SRD5A3: variants seen among roughly 807,000 people sequenced by gnomAD.
SRD5A3 encodes polyprenal reductase.
SRD5A3 carries 24 observed loss-of-function variants against 34.3 expected under a neutral mutation model. That is an observed-to-expected ratio of 0.70 (90% CI 0.51 to 0.99). The LOEUF (loss-of-function observed/expected upper bound fraction) is 0.99. Among genes scored for constraint, SRD5A3 ranks in the 50% least tolerant of loss-of-function variants. The pLI, the probability that SRD5A3 is intolerant of heterozygous loss-of-function variation, is 0.00. For synonymous variants in SRD5A3, 161 were observed against 167.3 expected, an observed-to-expected ratio of 0.96 and a Z score of 0.29; for missense variants, 350 against 388.2, an observed-to-expected ratio of 0.90 and a Z score of 0.83.
chr4:55,369,466 A>T, intron 4 of SRD5A3: 1 of 280,276 alleles, frequency 3.6e-6, no homozygotes, highest in Non-Finnish European at 6.8e-6. Context: ...AGGTTGGCTC[A>T]CACTGGTAAT....
chr4:55,352,271 T>G, intron 1 of SRD5A3: 1 of 851,498 alleles, frequency 1.2e-6, no homozygotes, highest in Non-Finnish European at 2.1e-6. Context: ...GGGGAATTTC[T>G]CTTTCCTTTA....
chr4:55,364,101 T>C lies in SRD5A3; in HGVS notation c.392T>C (p.Leu131Ser). Residue 131 changes from leucine (L) to serine (S), a missense_variant, in exon 3 of 5, where the codon TTA (leucine) becomes TCA (serine). By Grantham distance (145) the Leu-to-Ser change is moderately radical (BLOSUM62 -2). Transcript: ENST00000264228. ...QGGELALSAF[L>S]VLVFLWLHSL... ...GGGGAGCTGGCACTGTCTGCATTCT[T>C]AGTGCTAGTATTTCTGTGGCTGCAC... The C allele has an allele frequency of 6.2e-7, 1 of 1,614,238 alleles. No individual in the cohort carries two copies. The highest frequency in any genetic ancestry group is 1.1e-5 in the South Asian group (1 of 91,084).
intron 1 of SRD5A3, among the ~76,000 whole-genome samples, chr4:55,354,951 G>GGAGTGCTC (rs1719389926): frequency 1.3e-5 from 2 of 152,214 alleles, no homozygotes; most frequent in Non-Finnish European, 2.9e-5. Flanking sequence ...GTTAAGCAAG[G>GGAGTGCTC]GAGTGCTCAT....
intron 1 of SRD5A3, 141 bp downstream of exon 1, chr4:55,346,698 G>T: frequency 1.3e-6 from 1 of 758,902 alleles, no homozygotes; most frequent in Non-Finnish European, 1.9e-6. Context: ...GCAGCACGGC[G>T]CTCCCTCGGC....
At position 55,367,789 on chromosome 4, in the gene SRD5A3, G is replaced by C. The variant is rs1578212402; in HGVS notation, c.697+67G>C. The C allele has an allele frequency of 1.9e-6, 3 of 1,598,824 alleles. No homozygotes were observed. In the East Asian group the frequency reaches 6.7e-5, roughly 36 times the overall value. On this transcript the variant is annotated intron_variant, in intron 4 of 4. Transcript: ENST00000264228. ...TCAGAAGTTAGTTCTCCATGGTCCTGCATGCTTTTCCTTCCTGCCCTAGTT... is the reference window on the plus strand; with the variant it reads ...TCAGAAGTTAGTTCTCCATGGTCCTCCATGCTTTTCCTTCCTGCCCTAGTT...
chr4:55,359,559 T>A, intron 2 of SRD5A3, 71 bp downstream of exon 2: 1 of 1,603,312 alleles, frequency 6.2e-7, no homozygotes, highest in South Asian at 1.1e-5. Context: ...GGGAGCAGTT[T>A]TTGGCATTTT....
At chr4:55,358,606 A>AT (rs945655394) in intron 1 of SRD5A3, among the ~76,000 whole-genome samples, 11 of 150,432 alleles carry the variant, frequency 7.3e-5, no homozygotes, top group South Asian at 2.1e-4. Flanking sequence ...ATATTAGGTG[A>AT]TTTTTTTTGT....
At chr4:55,355,722 ATTT>A (rs1402970498) in intron 1 of SRD5A3, among the ~76,000 whole-genome samples, 139 of 152,306 alleles carry the variant, frequency 9.1e-4, no homozygotes, top group African/African-American at 3.2e-3. Flanking sequence ...CAATAGTATG[ATTT>A]TAACTTCACA....
At chr4:55,356,750 C>T (rs574480664) in intron 1 of SRD5A3, among the ~76,000 whole-genome samples, 1 of 151,858 alleles carries the variant, frequency 6.6e-6, no homozygotes, top group African/African-American at 2.4e-5. Flanking sequence ...CGCTCTGTTG[C>T]CCAGGCTGGA....
chr4:55,350,375 G>A (rs1719144674), intron 1 of SRD5A3, among the ~76,000 whole-genome samples: 1 of 152,010 alleles, frequency 6.6e-6, no homozygotes, highest in Non-Finnish European at 1.5e-5. Flanking sequence ...CTCTCAAAAA[G>A]AAAGAAATAT....
intron 1 of SRD5A3, among the ~76,000 whole-genome samples, chr4:55,356,418 G>T (rs1464057016): frequency 6.6e-6 from 1 of 152,068 alleles, no homozygotes; most frequent in African/African-American, 2.4e-5. Flanking sequence ...CATTCATCTT[G>T]TTATCCAACT....
intron 3 of SRD5A3, chr4:55,364,532 G>A: frequency 4.3e-6 from 2 of 465,290 alleles, no homozygotes; most frequent in Non-Finnish European, 7.9e-6. Context: ...CCAACATGGT[G>A]AAACTCTGTC....
At chr4:55,361,502 A>AT (rs1255955583) in intron 2 of SRD5A3, among the ~76,000 whole-genome samples, 2 of 145,860 alleles carry the variant, frequency 1.4e-5, no homozygotes, top group East Asian at 4.0e-4. Context: ...AAAAAAAAAA[A>AT]GAGCAAACCC....
At chr4:55,367,494 G>A in intron 3 of SRD5A3, 94 bp from the exon 4 acceptor site, 2 of 1,436,466 alleles carry the variant, frequency 1.4e-6, no homozygotes, top group Non-Finnish European at 1.9e-6. Context: ...AACGGAATAA[G>A]TGGATAATTG....
intron 1 of SRD5A3, among the ~76,000 whole-genome samples, chr4:55,356,258 C>G (rs1354881791): frequency 1.3e-5 from 2 of 152,152 alleles, no homozygotes; most frequent in Non-Finnish European, 2.9e-5. Flanking sequence ...ATCCGCCCAC[C>G]TCAGCCTCCT....
In SRD5A3 at chr4:55,367,632, C is replaced by A; in HGVS notation, c.607C>A (p.His203Asn). 6.2e-7 allele frequency: 1 copy of A among 1,614,072 alleles called. No homozygotes were observed. The highest frequency in any genetic ancestry group is 8.5e-7 in the Non-Finnish European group (1 of 1,180,010). The change falls in exon 4 of 5, where the codon CAT becomes AAT. Residue 203 changes from histidine to asparagine, a missense_variant. Physicochemically the swap from His to Asn is moderately conservative, Grantham distance 68 (BLOSUM62 1). This residue lies in a region of SRD5A3 where 186 missense variants were observed against 221.4 expected (regional missense o/e 0.84). Transcript: ENST00000264228. ...TCTATTGATGCAAGCACGGTGGTTC[C>A]ATATTCTTGGGATGATGATGTTCAT... ...KNLLMQARWFHILGMMMFIWS... is the reference protein window; with the variant it reads ...KNLLMQARWFNILGMMMFIWS...
chr4:55,367,542 G>A, intron 3 of SRD5A3, 46 bp from the exon 4 acceptor site: 1 of 1,608,702 alleles, frequency 6.2e-7, no homozygotes, highest in Non-Finnish European at 8.5e-7. Flanking sequence ...AATTCCCTGA[G>A]CCTGTGAAAT....
chr4:55,369,142 A>C (rs1720024275), intron 4 of SRD5A3, among the ~76,000 whole-genome samples: 1 of 152,198 alleles, frequency 6.6e-6, no homozygotes, highest in African/African-American at 2.4e-5. Context: ...AGATGACTAC[A>C]GTCCGGTCTT....
chr4:55,358,419 C>T (rs866849111), intron 1 of SRD5A3, among the ~76,000 whole-genome samples: 3 of 151,702 alleles, frequency 2.0e-5, no homozygotes, highest in South Asian at 4.2e-4. Context: ...GCCTGTGGTC[C>T]CAGCTACTTG....
Sources: allele counts gnomAD v4.1 joint callset (sites outside exome capture counted in the v4.1 genomes callset), GRCh38; gene constraint gnomAD v4.1.1; regional missense constraint gnomAD v4.1.1; transcripts MANE v1.5; gene names NCBI Gene and HGNC (gene_info 2026-07-23, HGNC 2026-07-21).